GABBR2: variants seen among roughly 807,000 people sequenced by gnomAD.
The protein encoded by GABBR2 is gamma-aminobutyric acid type B receptor subunit 2, also known as G-protein coupled receptor 51.
GABBR2 carries 23 observed loss-of-function variants against 105.6 expected under a neutral mutation model. The ratio of observed to expected loss-of-function variants is 0.22; its 90% CI spans 0.16 to 0.31. GABBR2 has a LOEUF of 0.31. Ranked by LOEUF, GABBR2 falls within the 10% of genes least tolerant of loss-of-function variation. The pLI, the probability that GABBR2 is intolerant of heterozygous loss-of-function variation, is 1.00. For synonymous variants in GABBR2, 478 were observed against 499.7 expected (o/e 0.96, Z 0.58); for missense variants, 734 against 1,245.5 (o/e 0.59, Z 6.18).
intron 3 of GABBR2, among the ~76,000 whole-genome samples, chr9:98,536,549 A>C (rs1201208978): frequency 6.6e-6 from 1 of 152,012 alleles, no homozygotes; most frequent in Non-Finnish European, 1.5e-5. Context: ...CTCCACCCCA[A>C]GCCCTATCTC....
intron 7 of GABBR2, among the ~76,000 whole-genome samples, chr9:98,425,936 C>G (rs1825677830): frequency 6.6e-6 from 1 of 152,208 alleles, no homozygotes; most frequent in African/African-American, 2.4e-5. Context: ...ATGAGGTTGT[C>G]TGCTTTTTCA....
In GABBR2 at chr9:98,708,832, A is replaced by T; in HGVS notation, c.-95T>A. 1 of 701,574 alleles carries T rather than the reference A, an allele frequency of 1.4e-6. No individual in the cohort carries two copies. Among genetic ancestry groups the T allele is most frequent in the Non-Finnish European group, 1.7e-6 (1 of 573,440 alleles). The allele number at this position is 701,574 out of a possible 1,614,324, so 43.5% of individuals were successfully genotyped here. A position where few individuals can be genotyped will look rare whatever the true frequency, so the allele number is the denominator to read the frequency against. On this transcript the variant is annotated 5_prime_UTR_variant, in exon 1 of 19. Transcript: ENST00000259455. ...CAAGGTCTTCCCGCGGCGCCCGCGC[A>T]ATGGCGCCGGCCCGGGCCCCGGCTC...
chr9:98,633,415 G>A (rs929877529), intron 1 of GABBR2, among the ~76,000 whole-genome samples: 4 of 152,104 alleles, frequency 2.6e-5, no homozygotes, highest in African/African-American at 9.7e-5. Flanking sequence ...CTGAGGTCAG[G>A]AGTTCAAGAG....
intron 1 of GABBR2, among the ~76,000 whole-genome samples, chr9:98,669,039 T>A (rs545320578): frequency 6.6e-6 from 1 of 152,314 alleles, no homozygotes; most frequent in South Asian, 2.1e-4. Flanking sequence ...AGTCCCTGCT[T>A]TGAATTATTT....
chr9:98,417,118 A>G (rs1174296500), intron 7 of GABBR2, among the ~76,000 whole-genome samples: 1 of 152,198 alleles, frequency 6.6e-6, no homozygotes, highest in African/African-American at 2.4e-5. Flanking sequence ...TTTCCTCTTC[A>G]AGGGCTGGGA....
chr9:98,569,178 C>G (rs147714659), intron 2 of GABBR2, among the ~76,000 whole-genome samples: 7 of 152,156 alleles, frequency 4.6e-5, no homozygotes, highest in Admixed American at 2.6e-4. Context: ...TGTGCCTCAT[C>G]GTACTGCTAC....
chr9:98,379,253 G>A (rs372563833), intron 11 of GABBR2, among the ~76,000 whole-genome samples: 26 of 152,212 alleles, frequency 1.7e-4, no homozygotes, highest in South Asian at 1.0e-3. Context: ...AGCATCAACC[G>A]GTTTTCCCAG....
At chr9:98,586,284 C>CTTT (rs569530376) in intron 1 of GABBR2, among the ~76,000 whole-genome samples, 253 of 130,928 alleles carry the variant, frequency 1.9e-3, no homozygotes, top group Middle Eastern at 4.1e-3. Context: ...TCTTTTCTTT[C>CTTT]TTTTTTTTTT....
At chr9:98,363,937 G>A (rs1014948666) in intron 12 of GABBR2, among the ~76,000 whole-genome samples, 1 of 152,166 alleles carries the variant, frequency 6.6e-6, no homozygotes, top group South Asian at 2.1e-4. Context: ...AGTTCTGGAA[G>A]AGACTCATGG....
In GABBR2 at chr9:98,413,700, A is replaced by G. The variant is rs923306306; in HGVS notation, c.1237-7559T>C. Among the ~76,000 whole-genome samples, 9 of 152,236 alleles carry G rather than the reference A, an allele frequency of 5.9e-5. No homozygotes were observed. In the South Asian group the frequency reaches 1.9e-3, roughly 32 times the overall value. The stretch of plus-strand genomic sequence containing the variant: ...GGATGCAGGGGCATCTTTCTGAGGG[A>G]CCATAACCAGACGGCTCAGAGGGTG... On this transcript the variant is annotated intron_variant, in intron 7 of 18. Transcript: ENST00000259455.
At chr9:98,574,261 C>G (rs894217172) in intron 2 of GABBR2, among the ~76,000 whole-genome samples, 2 of 152,244 alleles carry the variant, frequency 1.3e-5, no homozygotes, top group Non-Finnish European at 2.9e-5. Flanking sequence ...TAAATAAGAG[C>G]TAATTTGTGT....
chr9:98,539,530 T>C (rs1237638166), intron 3 of GABBR2, among the ~76,000 whole-genome samples: 2 of 152,158 alleles, frequency 1.3e-5, no homozygotes, highest in Non-Finnish European at 2.9e-5. Flanking sequence ...CCCTTCCCTC[T>C]CTGGGCCTTA....
intron 6 of GABBR2, among the ~76,000 whole-genome samples, chr9:98,468,305 C>G (rs1282949887): frequency 6.6e-6 from 1 of 152,150 alleles, no homozygotes; most frequent in African/African-American, 2.4e-5. Context: ...GAGAATGCAT[C>G]CAGGAGGTGC....
intron 8 of GABBR2, 32 bp downstream of exon 8, chr9:98,406,049 C>T: frequency 1.7e-6 from 2 of 1,180,012 alleles, no homozygotes; most frequent in South Asian, 1.2e-5. Flanking sequence ...TAAATTTTAT[C>T]AGCTAGAAAG....
chr9:98,633,179 G>A (rs552189215), intron 1 of GABBR2, among the ~76,000 whole-genome samples: 1 of 152,296 alleles, frequency 6.6e-6, no homozygotes, highest in East Asian at 1.9e-4. Flanking sequence ...GCCAGCTCCA[G>A]AACACCACTG....
At chr9:98,468,405 T>G (rs1826602841) in intron 6 of GABBR2, among the ~76,000 whole-genome samples, 1 of 152,012 alleles carries the variant, frequency 6.6e-6, no homozygotes, top group Non-Finnish European at 1.5e-5. Flanking sequence ...AGGACAGGGG[T>G]TTGACAAATA....
chr9:98,303,591 T>TCGC (rs1830504517), intron 15 of GABBR2, among the ~76,000 whole-genome samples, 168 bp from the exon 16 acceptor site: 1 of 152,210 alleles, frequency 6.6e-6, no homozygotes. Context: ...ACTCTGCTAC[T>TCGC]CGCTTGTGTG....
At chr9:98,669,327 G>A (rs1280705094) in intron 1 of GABBR2, among the ~76,000 whole-genome samples, 4 of 152,078 alleles carry the variant, frequency 2.6e-5, no homozygotes, top group African/African-American at 9.7e-5. Context: ...GACCATTTTT[G>A]CATGGGCTTA....
At chr9:98,336,798 GA>G (rs1831123494) in intron 13 of GABBR2, among the ~76,000 whole-genome samples, 1 of 147,720 alleles carries the variant, frequency 6.8e-6, no homozygotes, top group Non-Finnish European at 1.5e-5. Context: ...GAAATGCAGA[GA>G]TTGGCAGAAT....
Sources: allele counts gnomAD v4.1 joint callset (sites outside exome capture counted in the v4.1 genomes callset), GRCh38; gene constraint gnomAD v4.1.1; transcripts MANE v1.5; gene names NCBI Gene and HGNC (gene_info 2026-07-23, HGNC 2026-07-21).